The following SEMA6D variants were observed in gnomAD, a reference collection of about 807,000 sequenced individuals.
SEMA6D encodes semaphorin 6D.
In SEMA6D, 35 loss-of-function variants were observed where a neutral mutation model predicts 106.6. The observed-to-expected ratio is 0.33, with a 90% CI of 0.25 to 0.44. The LOEUF (loss-of-function observed/expected upper bound fraction) is 0.44. SEMA6D is among the 20% of genes least tolerant of loss of function. The pLI, the probability that SEMA6D is intolerant of heterozygous loss-of-function variation, is 1.00. For missense variants in SEMA6D, 1,185 were observed against 1,345.9 expected (o/e 0.88, Z 1.87); for synonymous variants, 499 against 487.7 (o/e 1.02, Z -0.31).
At chr15:47,427,276 A>G (rs1224626846) in intron 2 of SEMA6D, among the ~76,000 whole-genome samples, 1 of 152,174 alleles carries the variant, frequency 6.6e-6, no homozygotes, top group Non-Finnish European at 1.5e-5. Context: ...CCTTGGTCAC[A>G]TAAGTTTGAG....
At chr15:47,191,293 A>C (rs1044295303) in intron 1 of SEMA6D, among the ~76,000 whole-genome samples, 3 of 152,218 alleles carry the variant, frequency 2.0e-5, no homozygotes, top group Admixed American at 1.3e-4. Flanking sequence ...AAATATATAC[A>C]AATACAGTAT....
intron 1 of SEMA6D, chr15:47,272,781 A>G (rs756133951): frequency 1.3e-5 from 2 of 152,436 alleles, no homozygotes; most frequent in Non-Finnish European, 2.9e-5. Context: ...AATAGAGAGT[A>G]TACAAGTAGC....
chr15:47,622,400 T>C (rs952623193), intron 4 of SEMA6D, among the ~76,000 whole-genome samples: 1 of 152,136 alleles, frequency 6.6e-6, no homozygotes, highest in Non-Finnish European at 1.5e-5. Context: ...AACCGGAGTA[T>C]GCTAAAGCCA....
rs117007378 is a variant in SEMA6D, at chr15:47,290,976, T to A, written c.-239+106558T>A. ...ATACAGAACCATTTATGTGATACCG[T>A]CTCTTGTAATGAATTTCTGTTCTGG... is the stretch of plus-strand genomic sequence containing the variant. On this transcript the variant is annotated intron_variant, in intron 1 of 19. Transcript: ENST00000558014. 2.3e-4 allele frequency among the ~76,000 whole-genome samples: 35 copies of A among 152,358 alleles called. 1 individual carries two copies. In the East Asian group the frequency reaches 6.6e-3, roughly 29 times the overall value.
intron 1 of SEMA6D, among the ~76,000 whole-genome samples, chr15:47,238,560 GC>G (rs1447923012): frequency 1.2e-4 from 18 of 152,070 alleles, no homozygotes; most frequent in Non-Finnish European, 2.2e-4. Context: ...TTTCCTTGGG[GC>G]CAAGGAATCT....
At chr15:47,722,727 C>T (rs1023560746) in intron 1 of SEMA6D, among the ~76,000 whole-genome samples, 1 of 152,162 alleles carries the variant, frequency 6.6e-6, no homozygotes, top group Non-Finnish European at 1.5e-5. Context: ...AGCCACAAAA[C>T]ATCTGAAGGA....
At chr15:47,289,860 C>G (rs1595652545) in intron 1 of SEMA6D, among the ~76,000 whole-genome samples, 1 of 151,556 alleles carries the variant, frequency 6.6e-6, no homozygotes, top group Non-Finnish European at 1.5e-5. Flanking sequence ...CATGACAGTC[C>G]TGGGAGTGTT....
rs150277535 is a variant in SEMA6D, at chr15:47,592,665, T to C, written c.-86-8200T>C. ...ATGTCAAATTGCATCCTATGAAAAT[T>C]GCATAAATAAAAATTTGCATCTAGA... On this transcript the variant is annotated intron_variant, in intron 3 of 19. Coordinates refer to the SEMA6D transcript ENST00000558014. 1.5e-4 allele frequency among the ~76,000 whole-genome samples: 23 copies of C among 152,328 alleles called. No homozygotes were observed. In the East Asian group the frequency reaches 4.2e-3, roughly 28 times the overall value.
Position 47,317,654 on chromosome 15 carries a change from C to G in SEMA6D, c.-238-94739C>G, listed in dbSNP as rs2036736299. ...TCTAAGGTGGTTAGTCCCCCACTCC[C>G]AACTCAATACTGTAAATATTTCCTT... On this transcript the variant is annotated intron_variant, in intron 1 of 19. Transcript: ENST00000558014. Among the ~76,000 whole-genome samples the G allele has an allele frequency of 1.3e-5, 2 of 152,136 alleles. 1 individual carries two copies. Among genetic ancestry groups the G allele is most frequent in the South Asian group, 4.1e-4 (2 of 4,822 alleles).
At chr15:47,616,391 C>T (rs868170001) in intron 4 of SEMA6D, among the ~76,000 whole-genome samples, 1 of 151,866 alleles carries the variant, frequency 6.6e-6, no homozygotes, top group Non-Finnish European at 1.5e-5. Context: ...AGGATGGTCT[C>T]GATCTCCTGA....
At chr15:47,317,538 G>A (rs2036731304) in intron 1 of SEMA6D, among the ~76,000 whole-genome samples, 1 of 152,086 alleles carries the variant, frequency 6.6e-6, no homozygotes, top group African/African-American at 2.4e-5. Flanking sequence ...TTTCTTACAA[G>A]GCAGGTCTAC....
At chr15:47,258,907 T>G (rs566207443) in intron 1 of SEMA6D, among the ~76,000 whole-genome samples, 2 of 152,264 alleles carry the variant, frequency 1.3e-5, no homozygotes, top group East Asian at 3.9e-4. Context: ...TCCTCTGTTT[T>G]TCTTTCTTGC....
chr15:47,355,008 C>T (rs2038512127), intron 1 of SEMA6D, among the ~76,000 whole-genome samples: 1 of 152,150 alleles, frequency 6.6e-6, no homozygotes, highest in South Asian at 2.1e-4. Flanking sequence ...GAAAGGAGTA[C>T]TTAAACACGG....
intron 1 of SEMA6D, among the ~76,000 whole-genome samples, chr15:47,213,085 A>G (rs1180574342): frequency 6.6e-6 from 1 of 152,188 alleles, no homozygotes; most frequent in Non-Finnish European, 1.5e-5. Context: ...GTTCTTACCT[A>G]TGTAGCCATT....
intron 4 of SEMA6D, among the ~76,000 whole-genome samples, chr15:47,667,959 A>G (rs2078060780): frequency 6.6e-6 from 1 of 152,170 alleles, no homozygotes. Context: ...TTCTCTATTT[A>G]TTCCTATATA....
At chr15:47,708,332 C>T (rs1596703070) in intron 4 of SEMA6D, among the ~76,000 whole-genome samples, 1 of 152,112 alleles carries the variant, frequency 6.6e-6, no homozygotes, top group East Asian at 1.9e-4. Flanking sequence ...TATACCATGC[C>T]CTATCACCCT....
In SEMA6D at chr15:47,535,978, G is replaced by C. The variant is rs575935057; in HGVS notation, c.-86-64887G>C. ...AGGAGTGGGCAAGAAGGCAGGAAAC[G>C]TGAGTTAAATTCAGGCCATCAAGAG... On this transcript the variant is annotated intron_variant, in intron 3 of 19. Transcript: ENST00000558014. 7.9e-5 allele frequency among the ~76,000 whole-genome samples: 12 copies of C among 152,236 alleles called. No individual in the cohort carries two copies. In the East Asian group the frequency reaches 2.1e-3, roughly 27 times the overall value.
chr15:47,320,255 A>G (rs2036872816), intron 1 of SEMA6D, among the ~76,000 whole-genome samples: 1 of 152,128 alleles, frequency 6.6e-6, no homozygotes, highest in South Asian at 2.1e-4. Context: ...AGGAGACCTC[A>G]TGAGCTTCTT....
At chr15:47,308,120 C>T (rs2036302862) in intron 1 of SEMA6D, among the ~76,000 whole-genome samples, 1 of 151,632 alleles carries the variant, frequency 6.6e-6, no homozygotes, top group South Asian at 2.1e-4. Flanking sequence ...AAAAAGGAAG[C>T]ATCTTCTAGT....
Sources: gnomAD v4.1 joint callset for allele counts (sites outside exome capture counted in the v4.1 genomes callset) on GRCh38, gnomAD v4.1.1 for gene constraint, MANE v1.5 for transcripts, NCBI Gene and HGNC (gene_info 2026-07-23, HGNC 2026-07-21) for gene names.